Variants in SHQ1 observed in about 807,000 individuals in gnomAD.
The protein encoded by SHQ1 is protein SHQ1 homolog.
In SHQ1, 49 loss-of-function variants were observed where a neutral mutation model predicts 53.8. That is an observed-to-expected ratio of 0.91 (90% CI 0.72 to 1.16). The LOEUF is 1.16. SHQ1 is among the 50% of genes most tolerant of loss of function. The probability of loss-of-function intolerance (pLI) is 0.00; values close to 1 mark genes in which losing one functional copy is unlikely to be tolerated. For missense variants in SHQ1, 738 were observed against 683.1 expected (o/e 1.08, Z -0.90); for synonymous variants, 243 against 251.0 (o/e 0.97, Z 0.30).
intron 10 of SHQ1, among the ~76,000 whole-genome samples, chr3:72,785,674 G>A (rs1421946513): frequency 6.6e-6 from 1 of 152,138 alleles, no homozygotes; most frequent in Non-Finnish European, 1.5e-5. Flanking sequence ...CCTATACACT[G>A]TAGCTAGAAC....
Position 72,787,073 on chromosome 3 carries a change from G to A in SHQ1, c.1181+5843C>T, listed in dbSNP as rs140147541. 3.0e-3 allele frequency among the ~76,000 whole-genome samples: 451 copies of A among 152,270 alleles called. 2 individuals are homozygous for A. The highest frequency in any genetic ancestry group is 0.01 in the Middle Eastern group (3 of 294). ...GAACTTCAGTGCTGAAATGACTTAG[G>A]TTTACTTACAACTGAGGAAATTAAG... On this transcript the variant is annotated intron_variant, in intron 10 of 10. Transcript: ENST00000325599.
At chr3:72,783,220 C>T (rs1447621743) in intron 10 of SHQ1, among the ~76,000 whole-genome samples, 2 of 152,128 alleles carry the variant, frequency 1.3e-5, no homozygotes, top group Non-Finnish European at 2.9e-5. Context: ...ATACTACTCC[C>T]TAGATAAAGG....
At chr3:72,835,036 A>G (rs528271932) in intron 4 of SHQ1, among the ~76,000 whole-genome samples, 2 of 151,618 alleles carry the variant, frequency 1.3e-5, no homozygotes, top group Non-Finnish European at 1.5e-5. Flanking sequence ...GTTTGTCCAT[A>G]CCATCTTAGA....
At chr3:72,838,164 A>G (rs1174827694) in intron 4 of SHQ1, among the ~76,000 whole-genome samples, 4 of 152,250 alleles carry the variant, frequency 2.6e-5, no homozygotes, top group African/African-American at 7.2e-5. Context: ...GAATACGTAC[A>G]CTAAGTGGGA....
chr3:72,737,791 G>C, the SHQ1 span, among the ~76,000 whole-genome samples: 1 of 152,206 alleles, frequency 6.6e-6, no homozygotes, highest in Non-Finnish European at 1.5e-5. Flanking sequence ...TCCACCCACA[G>C]CTGGCTGAAT....
intron 3 of SHQ1, among the ~76,000 whole-genome samples, chr3:72,841,762 T>C (rs1708184549): frequency 6.6e-6 from 1 of 152,188 alleles, no homozygotes; most frequent in Non-Finnish European, 1.5e-5. Flanking sequence ...CTACCTCAGA[T>C]CATCAGGCTT....
chr3:72,841,278 G>T, intron 3 of SHQ1, 79 bp from the exon 4 acceptor site: 1 of 1,146,040 alleles, frequency 8.7e-7, no homozygotes, highest in Non-Finnish European at 1.2e-6. Flanking sequence ...AGGAAAAAAT[G>T]CCCACAAAGA....
At chr3:72,784,766 C>T (rs901452182) in intron 10 of SHQ1, among the ~76,000 whole-genome samples, 3 of 152,190 alleles carry the variant, frequency 2.0e-5, no homozygotes, top group East Asian at 1.9e-4. Context: ...GTCTGATTAT[C>T]GCTCTGCGTG....
chr3:72,846,403 T>C, intron 1 of SHQ1: 2 of 1,160,786 alleles, frequency 1.7e-6, no homozygotes, highest in Non-Finnish European at 1.2e-6. Context: ...CAAGCGATTC[T>C]CTCACCTCAA....
chr3:72,759,611 T>C (rs980058854), intron 10 of SHQ1, among the ~76,000 whole-genome samples: 1 of 151,970 alleles, frequency 6.6e-6, no homozygotes, highest in African/African-American at 2.4e-5. Context: ...GAATCACTTG[T>C]ACCTGGGAGG....
chr3:72,731,347 C>T, the SHQ1 span, among the ~76,000 whole-genome samples: 4 of 151,288 alleles, frequency 2.6e-5, 1 homozygote, highest in South Asian at 8.4e-4. Context: ...AGAGAAAAGA[C>T]ATTTCCATAA....
the SHQ1 span, among the ~76,000 whole-genome samples, chr3:72,728,908 A>G: frequency 2.0e-5 from 3 of 152,224 alleles, no homozygotes; most frequent in Non-Finnish European, 2.9e-5. Context: ...GCTCAGAACC[A>G]GGTCAGTGCC....
At chr3:72,748,098 T>C (rs571213499), downstream of SHQ1, among the ~76,000 whole-genome samples, 2 of 151,678 alleles carry the variant, frequency 1.3e-5, no homozygotes, top group African/African-American at 4.8e-5. Context: ...TCATAAGGCA[T>C]GGTGGAGCAC....
chr3:72,773,709 T>C (rs1209360672), intron 10 of SHQ1, among the ~76,000 whole-genome samples: 1 of 152,052 alleles, frequency 6.6e-6, no homozygotes, highest in African/African-American at 2.4e-5. Flanking sequence ...TGAAAGGGAT[T>C]GTATAGGAAG....
At chr3:72,835,544 C>T (rs141427576) in intron 4 of SHQ1, among the ~76,000 whole-genome samples, 3 of 152,274 alleles carry the variant, frequency 2.0e-5, no homozygotes, top group East Asian at 3.9e-4. Context: ...ACCTGTGAGT[C>T]TCTGTAGACA....
intron 5 of SHQ1, among the ~76,000 whole-genome samples, chr3:72,826,849 G>A (rs1418527680): frequency 6.6e-6 from 1 of 152,194 alleles, no homozygotes; most frequent in East Asian, 1.9e-4. Context: ...CACCTTGTAA[G>A]CCATGTTTAA....
intron 10 of SHQ1, among the ~76,000 whole-genome samples, chr3:72,772,355 G>A (rs1165963461): frequency 6.6e-6 from 1 of 152,066 alleles, no homozygotes; most frequent in South Asian, 2.1e-4. Flanking sequence ...AGATGCAGAC[G>A]GTGTGGAATC....
intron 10 of SHQ1, among the ~76,000 whole-genome samples, chr3:72,781,430 C>T (rs1706071576): frequency 6.6e-6 from 1 of 152,138 alleles, no homozygotes; most frequent in Non-Finnish European, 1.5e-5. Flanking sequence ...ATGAAATAAA[C>T]ACAATAATTA....
chr3:72,767,988 G>T (rs926139397), intron 10 of SHQ1, among the ~76,000 whole-genome samples: 1 of 151,878 alleles, frequency 6.6e-6, no homozygotes, highest in Non-Finnish European at 1.5e-5. Flanking sequence ...AGTCTGGGTG[G>T]TTTTTTTTCT....
Sources: allele counts gnomAD v4.1 joint callset (sites outside exome capture counted in the v4.1 genomes callset), GRCh38; gene constraint gnomAD v4.1.1; transcripts MANE v1.5; gene names NCBI Gene and HGNC (gene_info 2026-07-23, HGNC 2026-07-21).